The following LUC7L3 variants were observed in gnomAD, a reference collection of about 807,000 sequenced individuals.
LUC7L3 encodes LUC7 like 3 pre-mRNA splicing factor.
LUC7L3 carries 6 observed loss-of-function variants against 66.8 expected under a neutral mutation model. The ratio of observed to expected loss-of-function variants is 0.09; its 90% CI spans 0.05 to 0.18. The LOEUF (loss-of-function observed/expected upper bound fraction) is 0.18, where lower values mean the gene tolerates loss of function less well. Among genes scored for constraint, LUC7L3 ranks in the 10% least tolerant of loss-of-function variants. The pLI is 1.00. For missense variants in LUC7L3, 341 were observed against 531.1 expected (o/e 0.64, Z 3.52); for synonymous variants, 160 against 174.7 (o/e 0.92, Z 0.66).
chr17:50,739,664 A>AAAC (rs531274506), intron 2 of LUC7L3, among the ~76,000 whole-genome samples: 190 of 152,186 alleles, frequency 1.2e-3, no homozygotes, highest in African/African-American at 3.6e-3. Flanking sequence ...AAAAAAAACA[A>AAAC]AACAACAACA....
rs142033434 is a variant in LUC7L3, at chr17:50,742,074, TTG to T, written c.426+361_426+362del. 4.3e-3 allele frequency among the ~76,000 whole-genome samples: 651 copies of T among 150,440 alleles called. 3 individuals carry two copies. The highest frequency in any genetic ancestry group is 0.015 in the African/African-American group (618 of 41,224). ...TTGGGCAACAGAGTGAGACCTCGTCTTGTGTGTGTGTGTGTGTGTACATGTAC... is the reference window on the plus strand; with the variant it reads ...TTGGGCAACAGAGTGAGACCTCGTCTTGTGTGTGTGTGTGTGTACATGTAC... On this transcript the variant is annotated intron_variant, in intron 5 of 9. Transcript: ENST00000505658.
At chr17:50,727,948 C>A (rs373847910) in intron 1 of LUC7L3, among the ~76,000 whole-genome samples, 152 of 133,868 alleles carry the variant, frequency 1.1e-3, no homozygotes, top group African/African-American at 1.3e-3. Flanking sequence ...ACTAAAAATA[C>A]AAAAAAAAAA....
At position 50,743,826 on chromosome 17, in the gene LUC7L3, T is replaced by A. The variant is rs1253669580; in HGVS notation, c.531+16T>A. Reference sequence around the variant, plus strand: ...CACAACGTCGGTGAGTAAACCTTATTTCACATTATCTCATCTGTCTGTTAA... The same window carrying A: ...CACAACGTCGGTGAGTAAACCTTATATCACATTATCTCATCTGTCTGTTAA... On this transcript the variant is annotated intron_variant, in intron 6 of 9. Transcript: ENST00000505658. 1.3e-6 allele frequency: 2 copies of A among 1,544,396 alleles called. No homozygotes were observed. Among genetic ancestry groups the A allele is most frequent in the South Asian group, 2.3e-5 (2 of 88,182 alleles).
At chr17:50,736,193 G>T (rs373725462) in intron 1 of LUC7L3, among the ~76,000 whole-genome samples, 2 of 152,188 alleles carry the variant, frequency 1.3e-5, no homozygotes, top group Non-Finnish European at 2.9e-5. Context: ...GTGAAGGAAA[G>T]GTGATATTTT....
chr17:50,730,098 C>T (rs1049342391), intron 1 of LUC7L3, among the ~76,000 whole-genome samples: 1 of 151,358 alleles, frequency 6.6e-6, no homozygotes, highest in Non-Finnish European at 1.5e-5. Context: ...ATTCCAGCCT[C>T]CTGAGTAGCT....
At chr17:50,737,258 T>G in intron 2 of LUC7L3, 1 of 635,954 alleles carries the variant, frequency 1.6e-6, no homozygotes, top group African/African-American at 1.8e-5. Context: ...CTCCCAAAAC[T>G]CCACTTAAAT....
At chr17:50,736,419 C>T (rs1458885980) in intron 1 of LUC7L3, among the ~76,000 whole-genome samples, 1 of 151,974 alleles carries the variant, frequency 6.6e-6, no homozygotes, top group East Asian at 1.9e-4. Flanking sequence ...GTAGCAAGTC[C>T]CCATCTTTCC....
chr17:50,733,800 A>G (rs1382096354), intron 1 of LUC7L3, among the ~76,000 whole-genome samples: 1 of 152,230 alleles, frequency 6.6e-6, no homozygotes, highest in Non-Finnish European at 1.5e-5. Context: ...AGATTCTGGC[A>G]ATAACTTTTA....
intron 1 of LUC7L3, chr17:50,722,718 C>G (rs1419708686): frequency 6.6e-6 from 1 of 152,230 alleles, no homozygotes; most frequent in African/African-American, 2.4e-5. Context: ...ATCTGTGATG[C>G]AAAATCATCG....
intron 1 of LUC7L3, among the ~76,000 whole-genome samples, chr17:50,731,478 T>C (rs547379501): frequency 1.1e-3 from 163 of 152,308 alleles, no homozygotes; most frequent in African/African-American, 3.8e-3. Context: ...TCTCTGGGTT[T>C]GTTCTTATTA....
chr17:50,744,071 A>G (rs1051706433), intron 6 of LUC7L3, among the ~76,000 whole-genome samples: 5 of 152,260 alleles, frequency 3.3e-5, no homozygotes, highest in Non-Finnish European at 5.9e-5. Flanking sequence ...TCACTGCCTT[A>G]AACCATAAAT....
intron 3 of LUC7L3, 35 bp from the exon 4 acceptor site, chr17:50,741,067 T>C: frequency 6.2e-7 from 1 of 1,610,290 alleles, no homozygotes; most frequent in Non-Finnish European, 8.5e-7. Context: ...GCTGAAGATT[T>C]GGAAATGAGT....
At chr17:50,734,274 TCTC>T (rs1327127679) in intron 1 of LUC7L3, among the ~76,000 whole-genome samples, 1 of 151,970 alleles carries the variant, frequency 6.6e-6, no homozygotes, top group Admixed American at 6.6e-5. Flanking sequence ...TTCAAGCAAT[TCTC>T]CTGCCTCAGC....
intron 5 of LUC7L3, among the ~76,000 whole-genome samples, chr17:50,742,712 A>G (rs1970426398): frequency 1.3e-5 from 2 of 152,172 alleles, no homozygotes; most frequent in Admixed American, 6.5e-5. Flanking sequence ...ACTCCCAAAT[A>G]TTTATCCAAG....
chr17:50,745,070 A>C (rs1970582587), intron 7 of LUC7L3, among the ~76,000 whole-genome samples: 1 of 151,786 alleles, frequency 6.6e-6, no homozygotes, highest in Admixed American at 6.6e-5. Flanking sequence ...GCTCACCGCA[A>C]CCTCCACCTC....
At chr17:50,744,619 G>A (rs775753035) in intron 6 of LUC7L3, 33 bp from the exon 7 acceptor site, 2 of 1,588,392 alleles carry the variant, frequency 1.3e-6, no homozygotes, top group African/African-American at 1.4e-5. Context: ...CTCTTCCTCA[G>A]ATGTTCTTAA....
chr17:50,730,541 C>T (rs1231179679), intron 1 of LUC7L3, among the ~76,000 whole-genome samples: 1 of 115,112 alleles, frequency 8.7e-6, no homozygotes, highest in Non-Finnish European at 1.8e-5. Flanking sequence ...AAAAAAAAGA[C>T]CTAAAAATAG....
intron 1 of LUC7L3, among the ~76,000 whole-genome samples, chr17:50,721,868 A>C (rs1180353286): frequency 6.6e-6 from 1 of 151,036 alleles, no homozygotes; most frequent in African/African-American, 2.4e-5. Context: ...CCATACTTGC[A>C]TTAAATGGAA....
At chr17:50,738,094 C>G (rs1252424775) in intron 2 of LUC7L3, 1 of 448,348 alleles carries the variant, frequency 2.2e-6, no homozygotes, top group South Asian at 1.6e-5. Flanking sequence ...GGGCTCTCCT[C>G]TGCCCTGTTC....
Sources: allele counts gnomAD v4.1 joint callset (sites outside exome capture counted in the v4.1 genomes callset), GRCh38; gene constraint gnomAD v4.1.1; transcripts MANE v1.5; gene names NCBI Gene and HGNC (gene_info 2026-07-23, HGNC 2026-07-21).